The following ESCO2 variants were observed in gnomAD, a reference collection of about 807,000 sequenced individuals.
The protein encoded by ESCO2 is N-acetyltransferase ESCO2.
A neutral mutation model predicts 61.7 loss-of-function variants in ESCO2; 51 were observed. The ratio of observed to expected loss-of-function variants is 0.83; its 90% CI spans 0.66 to 1.04. ESCO2 has a LOEUF of 1.04. ESCO2 is among the 50% of genes least tolerant of loss of function. The pLI, the probability that ESCO2 is intolerant of heterozygous loss-of-function variation, is 0.00. For missense variants in ESCO2, 692 were observed against 686.2 expected (o/e 1.01, Z -0.09); for synonymous variants, 230 against 238.2 (o/e 0.97, Z 0.32).
At chr8:27,775,616 G>A in intron 2 of ESCO2, 49 bp downstream of exon 2, 1 of 1,594,502 alleles carries the variant, frequency 6.3e-7, no homozygotes. Flanking sequence ...CCACCTTCTT[G>A]TCTCTCTTGT....
At chr8:27,782,672 A>C (rs34858968) in intron 4 of ESCO2, among the ~76,000 whole-genome samples, 1 of 150,452 alleles carries the variant, frequency 6.6e-6, no homozygotes, top group African/African-American at 2.4e-5. Context: ...TATATTTTCA[A>C]TTTTTTCCCT....
At chr8:27,800,161 C>T (rs549889092) in intron 10 of ESCO2, among the ~76,000 whole-genome samples, 1 of 152,052 alleles carries the variant, frequency 6.6e-6, no homozygotes, top group Admixed American at 6.5e-5. Context: ...ATAATGAAGA[C>T]TTGGTATAAC....
chr8:27,803,546 T>TCAAACACA lies in ESCO2; in HGVS notation c.*110_*111insAACACACA. 8.9e-7 allele frequency: 1 copy of TCAAACACA among 1,124,670 alleles called. No individual in the cohort carries two copies. The allele number at this position is 1,124,670 out of a possible 1,614,324, so 69.7% of individuals were successfully genotyped here. The stretch of plus-strand genomic sequence containing the variant: ...AAATAAAAAATACCGAGACTCACAC[T>TCAAACACA]CATACACACACACACACACACGCAC... On this transcript the variant is annotated 3_prime_UTR_variant, in exon 11 of 11. Coordinates refer to ENST00000305188, the MANE Select transcript of ESCO2 (RefSeq NM_001017420.3).
chr8:27,810,288 T>G (rs1805646010), downstream of ESCO2: 1 of 1,570,858 alleles, frequency 6.4e-7, no homozygotes, highest in Non-Finnish European at 8.8e-7. Context: ...CAAGCCACAC[T>G]TCAGCTGAGA....
At chr8:27,800,358 G>A (rs982988784) in intron 10 of ESCO2, among the ~76,000 whole-genome samples, 3 of 152,130 alleles carry the variant, frequency 2.0e-5, no homozygotes, top group Admixed American at 1.3e-4. Context: ...ATTGCAAATG[G>A]TTAATTCAAC....
intron 3 of ESCO2, chr8:27,779,373 C>T (rs1407157345): frequency 6.6e-6 from 1 of 152,158 alleles, no homozygotes; most frequent in African/African-American, 2.4e-5. Context: ...GCTATATATT[C>T]CCTAGTAATT....
chr8:27,792,853 C>CA, intron 9 of ESCO2, 42 bp downstream of exon 9: 1 of 1,537,468 alleles, frequency 6.5e-7, no homozygotes, highest in Non-Finnish European at 8.7e-7. Flanking sequence ...AATTTGCAGG[C>CA]AAAATAAAGA....
At chr8:27,819,149 C>T in the ESCO2 span, among the ~76,000 whole-genome samples, 3 of 152,072 alleles carry the variant, frequency 2.0e-5, no homozygotes, top group Admixed American at 6.5e-5. Context: ...CTCCTTTCAT[C>T]GAGTTTTCCC....
At chr8:27,777,272 C>T in intron 3 of ESCO2, 103 bp downstream of exon 3, 1 of 1,052,086 alleles carries the variant, frequency 9.5e-7, no homozygotes, top group Non-Finnish European at 1.4e-6. Context: ...TTTATAAAGC[C>T]AGATAGCATA....
intron 7 of ESCO2, among the ~76,000 whole-genome samples, 157 bp from the exon 8 acceptor site, chr8:27,791,806 T>C (rs1805181471): frequency 6.6e-6 from 1 of 152,180 alleles, no homozygotes; most frequent in African/African-American, 2.4e-5. Context: ...AGGCATCTTT[T>C]ATTTCTCTTC....
downstream of ESCO2, among the ~76,000 whole-genome samples, chr8:27,814,253 T>C (rs763287420): frequency 2.0e-5 from 3 of 152,182 alleles, no homozygotes; most frequent in Non-Finnish European, 4.4e-5. Context: ...TCTTCCTATA[T>C]TAATTTTGGT....
intron 9 of ESCO2, among the ~76,000 whole-genome samples, chr8:27,795,880 G>T (rs921732657): frequency 6.6e-6 from 1 of 152,120 alleles, no homozygotes; most frequent in Non-Finnish European, 1.5e-5. Flanking sequence ...GTGCTAGTTT[G>T]CATCTGTTTA....
intron 9 of ESCO2, among the ~76,000 whole-genome samples, chr8:27,798,422 G>C (rs1021106205): frequency 6.6e-6 from 1 of 151,560 alleles, no homozygotes; most frequent in African/African-American, 2.4e-5. Flanking sequence ...TCGTGCCACT[G>C]CAATCCAGCC....
intron 5 of ESCO2, among the ~76,000 whole-genome samples, chr8:27,787,207 T>C (rs1324279150): frequency 6.6e-6 from 1 of 152,152 alleles, no homozygotes; most frequent in African/African-American, 2.4e-5. Context: ...CCAAAACATA[T>C]CTGCTAGCTA....
At chr8:27,787,209 T>C (rs1805065371) in intron 5 of ESCO2, among the ~76,000 whole-genome samples, 1 of 152,190 alleles carries the variant, frequency 6.6e-6, no homozygotes, top group Non-Finnish European at 1.5e-5. Flanking sequence ...AAAACATATC[T>C]GCTAGCTAGA....
downstream of ESCO2, among the ~76,000 whole-genome samples, chr8:27,806,190 G>A (rs953611615): frequency 8.5e-5 from 13 of 152,152 alleles, no homozygotes; most frequent in Admixed American, 2.6e-4. Flanking sequence ...CAGTTAAGAT[G>A]GAAAAGGCAT....
At chr8:27,792,633 A>G in intron 8 of ESCO2, 35 bp from the exon 9 acceptor site, 1 of 1,603,994 alleles carries the variant, frequency 6.2e-7, no homozygotes, top group Non-Finnish European at 8.5e-7. Context: ...GTACTTTTTA[A>G]AACATTCACC....
upstream of ESCO2, among the ~76,000 whole-genome samples, chr8:27,773,479 A>AGG (rs3834365): frequency 5.7e-4 from 80 of 139,936 alleles, 3 homozygotes; most frequent in East Asian, 0.015. Context: ...CGGTGGGGGG[A>AGG]GGGGGGTTGG....
downstream of ESCO2, chr8:27,810,962 A>T: frequency 6.7e-7 from 1 of 1,497,616 alleles, no homozygotes; most frequent in Non-Finnish European, 9.3e-7. Context: ...TCATACCTTC[A>T]TCATCATCAT....
Sources: gnomAD v4.1 joint callset for allele counts (sites outside exome capture counted in the v4.1 genomes callset) on GRCh38, gnomAD v4.1.1 for gene constraint, MANE v1.5 for transcripts, NCBI Gene and HGNC (gene_info 2026-07-23, HGNC 2026-07-21) for gene names.